Variants in SYT1 observed in about 807,000 individuals in gnomAD.
SYT1 encodes the protein synaptotagmin-1.
Under a neutral mutation model 44.8 loss-of-function variants are expected in SYT1, and 8 were observed. The ratio of observed to expected loss-of-function variants is 0.18; its 90% CI spans 0.10 to 0.32. The LOEUF is 0.32. Among genes scored for constraint, SYT1 ranks in the 10% least tolerant of loss-of-function variants. The pLI is 1.00. For synonymous variants in SYT1, 154 were observed against 188.8 expected (o/e 0.82, Z 1.51); for missense variants, 286 against 509.3 (o/e 0.56, Z 4.22).
chr12:78,879,456 T>A (rs568672508), intron 1 of SYT1, among the ~76,000 whole-genome samples: 1 of 151,732 alleles, frequency 6.6e-6, no homozygotes, highest in Admixed American at 6.6e-5. Context: ...CTGAAAGACA[T>A]CTCAAACTCA....
chr12:78,999,907 C>A (rs889162997), intron 2 of SYT1, among the ~76,000 whole-genome samples: 22 of 152,040 alleles, frequency 1.4e-4, no homozygotes, highest in Non-Finnish European at 1.5e-4. Flanking sequence ...TGCCAGGGTG[C>A]CGATTATACA....
chr12:78,888,215 T>C (rs1432776525), intron 1 of SYT1, among the ~76,000 whole-genome samples: 1 of 151,868 alleles, frequency 6.6e-6, no homozygotes. Flanking sequence ...GCTTTGTTTG[T>C]AGAAGATTAC....
intron 1 of SYT1, among the ~76,000 whole-genome samples, chr12:78,885,285 G>A (rs531067871): frequency 6.8e-6 from 1 of 146,080 alleles, no homozygotes; most frequent in Non-Finnish European, 1.5e-5. Flanking sequence ...AGGAAGGAGG[G>A]AAGGAAGGAG....
intron 9 of SYT1, among the ~76,000 whole-genome samples, chr12:79,416,023 A>G (rs1565948484): frequency 6.6e-6 from 1 of 152,226 alleles, no homozygotes; most frequent in Admixed American, 6.5e-5. Context: ...GTGGAGTGGC[A>G]TAGTCCCATT....
intron 9 of SYT1, among the ~76,000 whole-genome samples, chr12:79,418,102 T>C (rs1868869990): frequency 6.6e-6 from 1 of 152,158 alleles, no homozygotes; most frequent in South Asian, 2.1e-4. Flanking sequence ...TTCTTAGATG[T>C]CTCATGTCTT....
intron 2 of SYT1, among the ~76,000 whole-genome samples, chr12:79,028,238 C>T (rs1872643651): frequency 6.6e-6 from 1 of 151,312 alleles, no homozygotes; most frequent in Non-Finnish European, 1.5e-5. Context: ...TTCTACTAAC[C>T]CTGTCAGACC....
chr12:79,311,025 G>T (rs893018107), intron 8 of SYT1, among the ~76,000 whole-genome samples: 5 of 152,230 alleles, frequency 3.3e-5, no homozygotes, highest in Admixed American at 2.6e-4. Context: ...CCTGCCTAAT[G>T]GCCCTGGCCA....
intron 3 of SYT1, among the ~76,000 whole-genome samples, chr12:79,135,758 G>A (rs1351837796): frequency 6.6e-6 from 1 of 151,220 alleles, no homozygotes; most frequent in Non-Finnish European, 1.5e-5. Context: ...TACTTTTAGG[G>A]CCACAGGAAA....
chr12:79,104,706 G>A (rs891474897), intron 3 of SYT1, among the ~76,000 whole-genome samples: 8 of 151,696 alleles, frequency 5.3e-5, no homozygotes, highest in African/African-American at 1.5e-4. Context: ...GATAAATTAG[G>A]TAAGTTCAGA....
chr12:78,897,107 C>T (rs181120633), intron 1 of SYT1, among the ~76,000 whole-genome samples: 1 of 151,852 alleles, frequency 6.6e-6, no homozygotes, highest in Non-Finnish European at 1.5e-5. Context: ...CTATTTCATA[C>T]ATATAGACTA....
intron 3 of SYT1, among the ~76,000 whole-genome samples, chr12:79,119,183 C>G (rs563260722): frequency 5.3e-4 from 80 of 152,346 alleles, no homozygotes; most frequent in African/African-American, 1.9e-3. Context: ...TGTCTATCAT[C>G]ATATCCTGCC....
chr12:79,003,783 A>G (rs1870898000), intron 2 of SYT1, among the ~76,000 whole-genome samples: 1 of 151,996 alleles, frequency 6.6e-6, no homozygotes, highest in Non-Finnish European at 1.5e-5. Flanking sequence ...TATAGAAACT[A>G]CTTCTACAAA....
intron 8 of SYT1, among the ~76,000 whole-genome samples, chr12:79,308,602 G>GAA (rs1565901411): frequency 3.4e-5 from 3 of 87,752 alleles, no homozygotes; most frequent in African/African-American, 1.3e-4. Context: ...AAGAAAGAAA[G>GAA]AAAGAAAGAA....
At chr12:79,064,553 C>T (rs1290296523) in intron 3 of SYT1, among the ~76,000 whole-genome samples, 2 of 151,892 alleles carry the variant, frequency 1.3e-5, no homozygotes, top group East Asian at 1.9e-4. Flanking sequence ...TTTGCTTACT[C>T]CTTAGCTAAT....
chr12:79,123,983 G>A (rs888585489), intron 3 of SYT1, among the ~76,000 whole-genome samples: 3 of 152,062 alleles, frequency 2.0e-5, no homozygotes, highest in Non-Finnish European at 4.4e-5. Flanking sequence ...TGTGTTTTTG[G>A]CTAACATTTA....
At chr12:78,980,527 G>C (rs1869171279) in intron 2 of SYT1, among the ~76,000 whole-genome samples, 1 of 152,048 alleles carries the variant, frequency 6.6e-6, no homozygotes, top group African/African-American at 2.4e-5. Context: ...TTAGATTATG[G>C]ACAGACTACT....
intron 3 of SYT1, among the ~76,000 whole-genome samples, chr12:79,105,901 A>AG (rs1226073899): frequency 7.1e-6 from 1 of 140,526 alleles, no homozygotes; most frequent in Non-Finnish European, 1.7e-5. Context: ...AAAAAAAAAA[A>AG]GGCAATTTAA....
intron 8 of SYT1, among the ~76,000 whole-genome samples, chr12:79,325,310 A>G (rs1592967986): frequency 6.6e-6 from 1 of 152,298 alleles, no homozygotes; most frequent in South Asian, 2.1e-4. Flanking sequence ...TCAGTTTCAG[A>G]ATGTGATTAG....
At chr12:79,102,490 C>T (rs887381580) in intron 3 of SYT1, among the ~76,000 whole-genome samples, 2 of 152,170 alleles carry the variant, frequency 1.3e-5, no homozygotes, top group Non-Finnish European at 2.9e-5. Flanking sequence ...ACGCTTTAGC[C>T]TTCTCTCTGT....
Sources: gnomAD v4.1 joint callset for allele counts (sites outside exome capture counted in the v4.1 genomes callset) on GRCh38, gnomAD v4.1.1 for gene constraint, MANE v1.5 for transcripts, NCBI Gene and HGNC (gene_info 2026-07-23, HGNC 2026-07-21) for gene names.